PRH1: variants seen among roughly 807,000 people sequenced by gnomAD.
PRH1 encodes the protein proline rich protein HaeIII subfamily 1.
A neutral mutation model predicts 7.9 loss-of-function variants in PRH1; 7 were observed. The ratio of observed to expected loss-of-function variants is 0.89; its 90% confidence interval spans 0.50 to 1.67. The LOEUF is 1.67. Among genes scored for constraint, PRH1 ranks in the 40% most tolerant of loss-of-function variants. The pLI is 0.00. For synonymous variants in PRH1, 45 were observed against 80.8 expected (o/e 0.56, Z 2.38); for missense variants, 109 against 223.6 (o/e 0.49, Z 3.27).
intron 1 of PRH1, among the ~76,000 whole-genome samples, chr12:11,037,429 C>A (rs1164659104): frequency 1.3e-5 from 2 of 152,136 alleles, no homozygotes; most frequent in Non-Finnish European, 2.9e-5. Flanking sequence ...TTTATAGTAA[C>A]AAAATATTTA....
chr12:10,975,017 C>T (rs190552211), intron 1 of PRH1, among the ~76,000 whole-genome samples: 49 of 152,234 alleles, frequency 3.2e-4, no homozygotes, highest in Non-Finnish European at 6.3e-4. Flanking sequence ...AAAGTATTCA[C>T]GGCATAATTG....
chr12:11,131,489 C>T (rs1437720420), intron 1 of PRH1, among the ~76,000 whole-genome samples: 1 of 152,192 alleles, frequency 6.6e-6, no homozygotes, highest in Non-Finnish European at 1.5e-5. Context: ...TGGTTACTAA[C>T]TCAATTTTTT....
rs1056444636 is a variant in PRH1 at position 11,031,767 on chromosome 12, A to G, written c.-126+15253T>C. ...ACAGAGCGCTGATTGCTGTGGTTTTACAGTGCACTGTTTGGTGCATTTTAC... is the reference window on the plus strand; with the variant it reads ...ACAGAGCGCTGATTGCTGTGGTTTTGCAGTGCACTGTTTGGTGCATTTTAC... On this transcript the variant is annotated intron_variant, in intron 1 of 3. Coordinates refer to the PRH1 transcript ENST00000539853. Among the ~76,000 whole-genome samples, 15 of 152,220 alleles carry G rather than the reference A, an allele frequency of 9.9e-5. No individual in the cohort carries two copies. The South Asian group carries it at 1.5e-3, about 15-fold the overall frequency.
chr12:10,914,315 A>C (rs753322056), intron 2 of PRH1, among the ~76,000 whole-genome samples: 2 of 152,264 alleles, frequency 1.3e-5, no homozygotes, highest in Non-Finnish European at 2.9e-5. Context: ...CTCTAAAAGA[A>C]AATGATATTT....
chr12:10,908,407 T>C (rs748693522), intron 2 of PRH1: 4 of 1,613,012 alleles, frequency 2.5e-6, no homozygotes, highest in East Asian at 4.5e-5. Flanking sequence ...GCCCATACCT[T>C]AGCTGCCACC....
intron 1 of PRH1, among the ~76,000 whole-genome samples, chr12:11,041,998 C>G (rs1591873279): frequency 6.6e-6 from 1 of 150,564 alleles, no homozygotes; most frequent in Non-Finnish European, 1.5e-5. Flanking sequence ...AGGAAATTTA[C>G]AGCTATAAAA....
At chr12:11,071,592 G>GCCT (rs1944071923) in intron 1 of PRH1, among the ~76,000 whole-genome samples, 2 of 152,174 alleles carry the variant, frequency 1.3e-5, no homozygotes, top group Admixed American at 1.3e-4. Context: ...TCTCCTGGGG[G>GCCT]AAGGTGACAG....
intron 1 of PRH1, among the ~76,000 whole-genome samples, chr12:11,138,991 G>T (rs959819753): frequency 6.6e-6 from 1 of 152,140 alleles, no homozygotes; most frequent in Non-Finnish European, 1.5e-5. Context: ...ATTGAGCCGC[G>T]ATTGCACTTG....
At chr12:11,059,897 A>G (rs114700934) in intron 1 of PRH1, among the ~76,000 whole-genome samples, 1,570 of 152,230 alleles carry the variant, frequency 0.01, 31 homozygotes, top group African/African-American at 0.035. Context: ...ATTTTTGACC[A>G]TCTATTCTTG....
intron 1 of PRH1, among the ~76,000 whole-genome samples, chr12:10,994,406 T>C (rs1940104920): frequency 6.6e-6 from 1 of 152,234 alleles, no homozygotes; most frequent in South Asian, 2.1e-4. Context: ...ATGCTGGCTG[T>C]GTTGTCCTCT....
intron 2 of PRH1, among the ~76,000 whole-genome samples, chr12:10,923,348 T>G (rs1950079271): frequency 6.7e-6 from 1 of 149,640 alleles, no homozygotes; most frequent in African/African-American, 2.5e-5. Context: ...AGGCTGGTCT[T>G]GAACTCCTGA....
intron 1 of PRH1, among the ~76,000 whole-genome samples, chr12:10,976,957 C>G (rs377655164): frequency 3.9e-5 from 6 of 152,028 alleles, no homozygotes; most frequent in South Asian, 4.1e-4. Context: ...CAGGACCAGA[C>G]AGATTCACAG....
At chr12:11,022,376 A>G in intron 1 of PRH1, 1 of 1,611,094 alleles carries the variant, frequency 6.2e-7, no homozygotes, top group Middle Eastern at 1.7e-4. Context: ...GTTGCATACC[A>G]AAGGAATAAC....
intron 1 of PRH1, among the ~76,000 whole-genome samples, chr12:11,127,255 T>C (rs114118004): frequency 0.01 from 1,576 of 152,222 alleles, no homozygotes; most frequent in African/African-American, 0.036. Flanking sequence ...TGAATTCTCA[T>C]TTGCTAGCAT....
At chr12:10,946,363 G>A (rs1950487089) in intron 2 of PRH1, among the ~76,000 whole-genome samples, 1 of 152,050 alleles carries the variant, frequency 6.6e-6, no homozygotes, top group Non-Finnish European at 1.5e-5. Context: ...CTGACTTCCA[G>A]CAGCAGGGAG....
intron 2 of PRH1, among the ~76,000 whole-genome samples, chr12:10,889,546 T>A (rs1565452479): frequency 6.6e-6 from 1 of 152,220 alleles, no homozygotes; most frequent in Non-Finnish European, 1.5e-5. Context: ...TCTGTAGGTT[T>A]ATGCTCTTTG....
At chr12:10,998,340 G>T (rs1028047103) in intron 1 of PRH1, among the ~76,000 whole-genome samples, 1 of 152,056 alleles carries the variant, frequency 6.6e-6, no homozygotes, top group Non-Finnish European at 1.5e-5. Flanking sequence ...TGTTAAAAGA[G>T]CCTGGTGAAA....
chr12:10,953,980 G>A (rs1937821951), intron 2 of PRH1, among the ~76,000 whole-genome samples: 1 of 152,094 alleles, frequency 6.6e-6, no homozygotes, highest in South Asian at 2.1e-4. Context: ...GAAAAAGAAT[G>A]TCCGACCAAG....
intron 1 of PRH1, among the ~76,000 whole-genome samples, chr12:11,163,520 T>C (rs1947478714): frequency 6.6e-6 from 1 of 152,226 alleles, no homozygotes; most frequent in African/African-American, 2.4e-5. Flanking sequence ...AATAATCTAA[T>C]CTGAGTACTG....
Sources: gnomAD v4.1 joint callset for allele counts (sites outside exome capture counted in the v4.1 genomes callset) on GRCh38, gnomAD v4.1.1 for gene constraint, MANE v1.5 for transcripts, NCBI Gene and HGNC (gene_info 2026-07-23, HGNC 2026-07-21) for gene names.